Variants in GOLGA4 observed in about 807,000 individuals in gnomAD.
GOLGA4 encodes the protein golgin subfamily A member 4.
In GOLGA4, 169 loss-of-function variants were observed where a neutral mutation model predicts 265.9. The observed-to-expected ratio is 0.64, with a 90% CI of 0.56 to 0.72. GOLGA4 has a LOEUF of 0.72. GOLGA4 is among the 30% of genes least tolerant of loss of function. GOLGA4 has a pLI of 0.00. For missense variants in GOLGA4, 2,482 were observed against 2,483.4 expected, an observed-to-expected ratio of 1.00 and a Z score of 0.01; for synonymous variants, 923 against 855.8, an observed-to-expected ratio of 1.08 and a Z score of -1.37.
chr3:37,324,422 G>A lies in GOLGA4; in HGVS notation c.2536G>A (p.Glu846Lys), dbSNP rs1208588568. 1.2e-6 allele frequency: 2 copies of A among 1,614,026 alleles called. No homozygotes were observed. Among genetic ancestry groups the A allele is most frequent in the East Asian group, 2.2e-5 (1 of 44,896 alleles). ...ILLTKQVAEV[E>K]AQKKDVCTEL... The stretch of plus-strand genomic sequence containing the variant: ...TCTTACCAAACAGGTTGCTGAAGTT[G>A]AAGCACAAAAGAAAGATGTTTGTAC... The change falls in exon 14 of 24, where the codon GAA (glutamate) becomes AAA (lysine). Residue 846 changes from glutamate (E) to lysine (K), a missense_variant. Glu to Lys is a moderately conservative substitution (Grantham distance 56). Around this residue, in one of 3 missense-constraint regions of GOLGA4, gnomAD observed 1,536 missense variants for 1,483.7 expected, o/e 1.04. Transcript: ENST00000361924.
intron 16 of GOLGA4, among the ~76,000 whole-genome samples, chr3:37,332,902 C>G (rs1025000351): frequency 6.6e-6 from 1 of 151,586 alleles, no homozygotes; most frequent in African/African-American, 2.4e-5. Context: ...TTCCTTGTTA[C>G]TCATATATAT....
chr3:37,262,116 A>G (rs2096771271), intron 2 of GOLGA4, among the ~76,000 whole-genome samples: 1 of 152,220 alleles, frequency 6.6e-6, no homozygotes, highest in African/African-American at 2.4e-5. Flanking sequence ...AAGAAAAAGG[A>G]AGTAATAATT....
At chr3:37,243,691 C>CG in intron 1 of GOLGA4, 69 bp downstream of exon 1, 3 of 1,301,408 alleles carry the variant, frequency 2.3e-6, no homozygotes, top group Non-Finnish European at 3.3e-6. Context: ...ACGAAAGAGG[C>CG]GGGGGGAGTG....
intron 21 of GOLGA4, 31 bp from the exon 22 acceptor site, chr3:37,355,069 CT>C (rs761272898): frequency 2.3e-5 from 28 of 1,214,712 alleles, no homozygotes; most frequent in Non-Finnish European, 3.1e-5. Context: ...GCTTCACTGT[CT>C]GTTAGTGATC....
intron 2 of GOLGA4, chr3:37,275,867 G>C (rs1390607898): frequency 1.8e-5 from 29 of 1,613,672 alleles, no homozygotes; most frequent in African/African-American, 5.3e-5. Context: ...GCAGAGTACA[G>C]ATGAGGAAGT....
chr3:37,339,089 C>T (rs939988876), intron 19 of GOLGA4, among the ~76,000 whole-genome samples: 4 of 152,094 alleles, frequency 2.6e-5, no homozygotes, highest in South Asian at 4.1e-4. Flanking sequence ...GTTTCGATCT[C>T]CTGACCTCAT....
rs754293342 is a variant in GOLGA4, at chr3:37,325,269, A to T, written c.3383A>T (p.Asp1128Val). The T allele has an allele frequency of 1.9e-6, 3 of 1,613,462 alleles. No homozygotes were observed. The highest frequency in any genetic ancestry group is 2.5e-6 in the Non-Finnish European group (3 of 1,179,734). ...GCCCATGTGAATTCTCTTGCACAAGATGAAACTAAACTGAAAGCTCATCTT... is the reference window on the plus strand; with the variant it reads ...GCCCATGTGAATTCTCTTGCACAAGTTGAAACTAAACTGAAAGCTCATCTT... ...KSAHVNSLAQ[D>V]ETKLKAHLEK... The change falls in exon 14 of 24, where the codon GAT (aspartate) becomes GTT (valine). Residue 1128 changes from aspartate to valine, a missense_variant. Asp to Val is a radical substitution (Grantham distance 152). This residue lies in a region of GOLGA4 where 1,536 missense variants were observed against 1,483.7 expected (regional missense o/e 1.04). Transcript: ENST00000361924.
At chr3:37,257,014 A>G (rs571768906) in intron 2 of GOLGA4, among the ~76,000 whole-genome samples, 3 of 152,184 alleles carry the variant, frequency 2.0e-5, no homozygotes, top group African/African-American at 4.8e-5. Context: ...CATCACATCT[A>G]TCTAGTTCCA....
At chr3:37,297,616 T>C (rs1210416000) in intron 7 of GOLGA4, among the ~76,000 whole-genome samples, 1 of 152,216 alleles carries the variant, frequency 6.6e-6, no homozygotes, top group Non-Finnish European at 1.5e-5. Context: ...ACTACTAAGC[T>C]TCTTCAGATA....
intron 2 of GOLGA4, among the ~76,000 whole-genome samples, chr3:37,274,241 G>A (rs1426774069): frequency 6.6e-6 from 1 of 152,088 alleles, no homozygotes; most frequent in Non-Finnish European, 1.5e-5. Context: ...GGTGGAAGGG[G>A]AATATGAAGG....
chr3:37,325,699 T>C lies in GOLGA4; in HGVS notation c.3813T>C (p.Val1271=). Residue 1271 remains valine (V), a synonymous_variant, in exon 14 of 24, where the codon GTT becomes GTC. Coordinates refer to ENST00000361924, the MANE Select transcript of GOLGA4 (RefSeq NM_002078.5). The part of the protein sequence containing the change: ...KEALLIKTCT[V]SELEAQLRQL... ...CACTGTTAATTAAAACTTGCACAGTTTCTGAATTAGAAGCACAACTTAGAC... is the reference window on the plus strand; with the variant it reads ...CACTGTTAATTAAAACTTGCACAGTCTCTGAATTAGAAGCACAACTTAGAC... The C allele has an allele frequency of 6.2e-7, 1 of 1,613,794 alleles. No individual in the cohort carries two copies. The highest frequency in any genetic ancestry group is 1.3e-5 in the African/African-American group (1 of 75,046).
chr3:37,360,367 A>G (rs1275359553), intron 22 of GOLGA4, among the ~76,000 whole-genome samples: 4 of 152,178 alleles, frequency 2.6e-5, no homozygotes, highest in African/African-American at 4.8e-5. Context: ...ATCCATATAC[A>G]TGGATTTTGT....
intron 9 of GOLGA4, among the ~76,000 whole-genome samples, chr3:37,300,756 CATG>C (rs1312562625): frequency 6.6e-6 from 1 of 152,104 alleles, no homozygotes; most frequent in South Asian, 2.1e-4. Flanking sequence ...ACCACATTAT[CATG>C]ATCACATCTA....
intron 21 of GOLGA4, among the ~76,000 whole-genome samples, chr3:37,348,208 A>T (rs1431349848): frequency 6.6e-6 from 1 of 152,204 alleles, no homozygotes; most frequent in African/African-American, 2.4e-5. Context: ...AAATAATATT[A>T]TAAAAGGAAA....
At position 37,315,474 on chromosome 3, in the gene GOLGA4, G is replaced by T; in HGVS notation, c.1289G>T (p.Arg430Leu). 2.5e-6 allele frequency: 4 copies of T among 1,613,920 alleles called. No individual in the cohort carries two copies. Among genetic ancestry groups the T allele is most frequent in the Non-Finnish European group, 3.4e-6 (4 of 1,179,880 alleles). ...ACAGCCCAAAAAACAGAGGAAGCAC[G>T]GAGAAAACTGAAGGCAGAAATGGAT... ...LSTAQKTEEA[R>L]RKLKAEMDEQ... The change falls in exon 11 of 24, where the codon CGG becomes CTG. Residue 430 changes from arginine (R) to leucine (L), a missense_variant. By Grantham distance (102) the Arg-to-Leu change is moderately radical. This residue lies in a region of GOLGA4 where 1,536 missense variants were observed against 1,483.7 expected (regional missense o/e 1.04). Transcript: ENST00000361924.
chr3:37,361,410 G>T, intron 23 of GOLGA4, 105 bp downstream of exon 23: 1 of 723,724 alleles, frequency 1.4e-6, no homozygotes, highest in East Asian at 2.6e-5. Context: ...ATAAATATAT[G>T]ATTATGCTAT....
chr3:37,359,053 A>T (rs2097097702), intron 22 of GOLGA4, among the ~76,000 whole-genome samples: 1 of 152,242 alleles, frequency 6.6e-6, no homozygotes, highest in Non-Finnish European at 1.5e-5. Flanking sequence ...AACAGCAGGC[A>T]GAAGTTAAAA....
chr3:37,337,279 A>C (rs2097017361), intron 18 of GOLGA4, 116 bp downstream of exon 18: 3 of 645,982 alleles, frequency 4.6e-6, no homozygotes, highest in East Asian at 5.4e-5. Context: ...GGCTCACTGC[A>C]ACCTCTGCCT....
chr3:37,291,625 A>C (rs1462955660), intron 5 of GOLGA4, among the ~76,000 whole-genome samples: 1 of 152,144 alleles, frequency 6.6e-6, no homozygotes, highest in East Asian at 1.9e-4. Flanking sequence ...GTCTGTGGTA[A>C]AATGCATTTG....
Sources: allele counts gnomAD v4.1 joint callset (sites outside exome capture counted in the v4.1 genomes callset), GRCh38; gene constraint gnomAD v4.1.1; regional missense constraint gnomAD v4.1.1; transcripts MANE v1.5; gene names NCBI Gene and HGNC (gene_info 2026-07-23, HGNC 2026-07-21).